Variants in SHISA9 observed in about 807,000 individuals in gnomAD.
SHISA9 encodes shisa family member 9.
Under a neutral mutation model 38.0 loss-of-function variants are expected in SHISA9, and 13 were observed. That is an observed-to-expected ratio of 0.34 (90% CI 0.22 to 0.54). SHISA9 has a LOEUF of 0.54. SHISA9 is among the 20% of genes least tolerant of loss of function. The probability of loss-of-function intolerance (pLI) is 0.91; values close to 1 mark genes in which losing one functional copy is unlikely to be tolerated. For synonymous variants in SHISA9, 275 were observed against 242.0 expected, an observed-to-expected ratio of 1.14 and a Z score of -1.27; for missense variants, 538 against 575.8, an observed-to-expected ratio of 0.93 and a Z score of 0.67.
the SHISA9 span, among the ~76,000 whole-genome samples, chr16:13,403,197 G>A: frequency 4.6e-5 from 7 of 151,924 alleles, no homozygotes; most frequent in Non-Finnish European, 1.0e-4. Context: ...AGACTAATAC[G>A]GACCCACAGT....
At chr16:13,284,392 A>C in the SHISA9 span, among the ~76,000 whole-genome samples, 1 of 152,122 alleles carries the variant, frequency 6.6e-6, no homozygotes, top group Non-Finnish European at 1.5e-5. Context: ...AAGCATTAAC[A>C]TTTTCTTTTA....
At chr16:12,970,344 C>CGTATATAT (rs2072041298) in intron 2 of SHISA9, among the ~76,000 whole-genome samples, 2 of 49,768 alleles carry the variant, frequency 4.0e-5, no homozygotes, top group African/African-American at 1.5e-4. Context: ...TATATATATA[C>CGTATATAT]ATATATGTGT....
the SHISA9 span, among the ~76,000 whole-genome samples, chr16:13,401,377 A>G: frequency 3.4e-3 from 516 of 152,254 alleles, 5 homozygotes; most frequent in African/African-American, 0.012. Flanking sequence ...CCTTCCCACT[A>G]TGATAGAACT....
chr16:13,332,516 C>A, the SHISA9 span: 1 of 152,186 alleles, frequency 6.6e-6, no homozygotes, highest in Non-Finnish European at 1.5e-5. Context: ...AGGCCCCATC[C>A]TACCTCAAAT....
At chr16:13,197,654 G>C (rs2050960391) in intron 2 of SHISA9, 1 of 152,186 alleles carries the variant, frequency 6.6e-6, no homozygotes, top group Admixed American at 6.5e-5. Context: ...TGGACCAAGG[G>C]TCTGCATGGA....
chr16:13,472,377 ATTTTTTTTTT>A, the SHISA9 span, among the ~76,000 whole-genome samples: 7 of 55,470 alleles, frequency 1.3e-4, no homozygotes, highest in East Asian at 6.4e-4. Context: ...GCTCTGCTAA[ATTTTTTTTTT>A]TTTTTTTTTT....
intron 2 of SHISA9, among the ~76,000 whole-genome samples, chr16:13,138,094 A>G (rs1164284436): frequency 6.6e-6 from 1 of 152,250 alleles, no homozygotes; most frequent in Non-Finnish European, 1.5e-5. Flanking sequence ...CACACCCAAA[A>G]GTGATGGTGA....
At chr16:13,553,459 G>C in the SHISA9 span, among the ~76,000 whole-genome samples, 15,074 of 152,200 alleles carry the variant, frequency 0.099, 853 homozygotes, top group Non-Finnish European at 0.12. Flanking sequence ...ACAGGTGGGA[G>C]AACAGAGGCC....
At chr16:13,344,790 A>AG in the SHISA9 span, among the ~76,000 whole-genome samples, 1 of 152,306 alleles carries the variant, frequency 6.6e-6, no homozygotes, top group East Asian at 1.9e-4. Context: ...AGTAAATGAC[A>AG]GAGTCCAAGT....
At chr16:12,945,216 G>A (rs910732275) in intron 2 of SHISA9, among the ~76,000 whole-genome samples, 2 of 152,168 alleles carry the variant, frequency 1.3e-5, no homozygotes, top group Non-Finnish European at 2.9e-5. Flanking sequence ...GGAGGTGAGT[G>A]TTGAAGGATC....
At position 12,909,643 on chromosome 16, in the gene SHISA9, C is replaced by G. The variant is rs1028374174; in HGVS notation, c.563+7016C>G. The G allele has an allele frequency of 6.1e-6, 6 of 977,932 alleles. No individual in the cohort carries two copies. The African/African-American group carries it at 8.8e-5, about 14-fold the overall frequency. The allele number at this position is 977,932 out of a possible 1,614,324, so 60.6% of individuals were successfully genotyped here. ...CCTCCTCATCACCAGGGTCCCAGCTCCAATGTCATCTTCTCTGAGAAGCCG... is the reference window on the plus strand; with the variant it reads ...CCTCCTCATCACCAGGGTCCCAGCTGCAATGTCATCTTCTCTGAGAAGCCG... On this transcript the variant is annotated intron_variant, in intron 1 of 4. Transcript: ENST00000558583.
At chr16:13,368,995 A>C in the SHISA9 span, among the ~76,000 whole-genome samples, 2 of 152,166 alleles carry the variant, frequency 1.3e-5, no homozygotes, top group East Asian at 3.8e-4. Flanking sequence ...TTGAAATGTG[A>C]TGTTGGTGAA....
At chr16:12,967,554 T>TATA (rs1005085663) in intron 2 of SHISA9, among the ~76,000 whole-genome samples, 4 of 151,564 alleles carry the variant, frequency 2.6e-5, no homozygotes, top group Non-Finnish European at 5.9e-5. Context: ...AAACTTAAAG[T>TATA]ATAATAATAA....
At chr16:13,447,116 A>C in the SHISA9 span, among the ~76,000 whole-genome samples, 1 of 152,088 alleles carries the variant, frequency 6.6e-6, no homozygotes, top group Non-Finnish European at 1.5e-5. Flanking sequence ...ACCCCTGCTT[A>C]AAGATGGCAT....
At chr16:13,244,870 C>G (rs1282055735), downstream of SHISA9, among the ~76,000 whole-genome samples, 1 of 152,226 alleles carries the variant, frequency 6.6e-6, no homozygotes, top group Non-Finnish European at 1.5e-5. Context: ...CTACTGTTGA[C>G]AAAGTCCCAG....
At chr16:13,087,418 T>C (rs969523357) in intron 2 of SHISA9, among the ~76,000 whole-genome samples, 14 of 151,998 alleles carry the variant, frequency 9.2e-5, no homozygotes, top group Non-Finnish European at 4.4e-5. Context: ...TCCACAATGG[T>C]TGAACCAATT....
At chr16:12,989,498 G>C (rs1166700754) in intron 2 of SHISA9, among the ~76,000 whole-genome samples, 1 of 152,030 alleles carries the variant, frequency 6.6e-6, no homozygotes, top group South Asian at 2.1e-4. Flanking sequence ...AATTTTTTAT[G>C]AGTGTGGCTC....
Position 12,984,967 on chromosome 16 carries a change from C to T in SHISA9, c.691+68152C>T, listed in dbSNP as rs934857307. Among the ~76,000 whole-genome samples, 7 of 152,242 alleles carry T rather than the reference C, an allele frequency of 4.6e-5. No homozygotes were observed. In the South Asian group the frequency reaches 8.3e-4, roughly 18 times the overall value. ...GCTCCCGACGGGATTAGGCTGAGGC[C>T]GAGACTTGCCCTGAAATTGTCCCTT... On this transcript the variant is annotated intron_variant, in intron 2 of 4. Coordinates refer to ENST00000558583, the MANE Select transcript of SHISA9 (RefSeq NM_001145204.3).
rs1246357174 is a variant in SHISA9 at position 13,203,547 on chromosome 16, T to C, written c.845T>C (p.Val282Ala). The C allele has an allele frequency of 2.0e-6, 3 of 1,529,350 alleles. No homozygotes were observed. Among genetic ancestry groups the C allele is most frequent in the Non-Finnish European group, 2.6e-6 (3 of 1,137,164 alleles). The allele number at this position is 1,529,350 out of a possible 1,614,324, so 94.7% of individuals were successfully genotyped here. ...ELNKYASLKA[V>A]GSSDGDWAVS... ...AACAAGTACGCCTCCTTAAAGGCAG[T>C]CGGTAAGTGCCACCTGATGGATCTT... Residue 282 changes from valine to alanine, a missense_variant and splice_region_variant, in exon 3 of 5, where the codon GTC becomes GCC. Physicochemically the swap from Val to Ala is moderately conservative, Grantham distance 64. Transcript: ENST00000558583.
Sources: gnomAD v4.1 joint callset for allele counts (sites outside exome capture counted in the v4.1 genomes callset) on GRCh38, gnomAD v4.1.1 for gene constraint, MANE v1.5 for transcripts, NCBI Gene and HGNC (gene_info 2026-07-23, HGNC 2026-07-21) for gene names.